LRRC3B: variants seen among roughly 807,000 people sequenced by gnomAD.
The protein encoded by LRRC3B is leucine rich repeat containing 3B, also known as leucine-rich repeat-containing protein 3B.
Under a neutral mutation model 12.8 loss-of-function variants are expected in LRRC3B, and 2 were observed. The observed-to-expected ratio is 0.16, with a 90% confidence interval of 0.06 to 0.49. The LOEUF (loss-of-function observed/expected upper bound fraction) is 0.49. Ranked by LOEUF, LRRC3B falls within the 20% of genes least tolerant of loss-of-function variation. The pLI is 0.96. For synonymous variants in LRRC3B, 132 were observed against 122.0 expected (o/e 1.08, Z -0.54); for missense variants, 189 against 319.4 (o/e 0.59, Z 3.11).
At chr3:26,668,097 A>T (rs1559360559) in intron 1 of LRRC3B, among the ~76,000 whole-genome samples, 1 of 152,098 alleles carries the variant, frequency 6.6e-6, no homozygotes, top group African/African-American at 2.4e-5. Flanking sequence ...ATATTATTAT[A>T]AAAAAAGTAT....
At chr3:26,646,089 G>T (rs376356057) in intron 1 of LRRC3B, among the ~76,000 whole-genome samples, 1 of 152,046 alleles carries the variant, frequency 6.6e-6, no homozygotes, top group South Asian at 2.1e-4. Flanking sequence ...TACACTTATC[G>T]TTCATAATGT....
chr3:26,664,932 T>C (rs1051116229), intron 1 of LRRC3B, among the ~76,000 whole-genome samples: 2 of 151,262 alleles, frequency 1.3e-5, no homozygotes, highest in African/African-American at 4.9e-5. Context: ...TCTTCTATAG[T>C]TTCTGATCTA....
At chr3:26,634,359 C>A (rs1698820888) in intron 1 of LRRC3B, among the ~76,000 whole-genome samples, 1 of 152,214 alleles carries the variant, frequency 6.6e-6, no homozygotes, top group African/African-American at 2.4e-5. Flanking sequence ...TGGTTTAAGT[C>A]ACCCAAAGAT....
chr3:26,690,130 G>A (rs1165742921), intron 1 of LRRC3B, among the ~76,000 whole-genome samples: 1 of 152,176 alleles, frequency 6.6e-6, no homozygotes, highest in East Asian at 1.9e-4. Context: ...AGCTGAATAT[G>A]GGTAAAAATT....
At chr3:26,698,499 T>TA in intron 1 of LRRC3B, among the ~76,000 whole-genome samples, 1 of 152,226 alleles carries the variant, frequency 6.6e-6, no homozygotes, top group South Asian at 2.1e-4. Flanking sequence ...AGCCTTACTC[T>TA]ATCTAGGATT....
At chr3:26,678,817 T>C (rs1699914766) in intron 1 of LRRC3B, among the ~76,000 whole-genome samples, 1 of 152,164 alleles carries the variant, frequency 6.6e-6, no homozygotes, top group South Asian at 2.1e-4. Context: ...ATAAAGACTT[T>C]CTGGGAAGAA....
chr3:26,669,048 G>T (rs1699666047), intron 1 of LRRC3B, among the ~76,000 whole-genome samples: 1 of 152,104 alleles, frequency 6.6e-6, no homozygotes, highest in African/African-American at 2.4e-5. Flanking sequence ...CAACCACTAG[G>T]TAAACATGCA....
intron 1 of LRRC3B, 111 bp from the exon 2 acceptor site, chr3:26,709,402 C>T (rs935122452): frequency 6.5e-6 from 3 of 459,534 alleles, no homozygotes; most frequent in African/African-American, 5.8e-5. Flanking sequence ...AAATTACCTG[C>T]ATAACTAACC....
intron 1 of LRRC3B, among the ~76,000 whole-genome samples, chr3:26,668,819 A>G (rs952777927): frequency 2.0e-5 from 3 of 152,204 alleles, no homozygotes; most frequent in Non-Finnish European, 4.4e-5. Context: ...TTTTCAATGC[A>G]TATAGACTGC....
chr3:26,626,495 G>T (rs989982720), intron 1 of LRRC3B, among the ~76,000 whole-genome samples: 5 of 152,090 alleles, frequency 3.3e-5, no homozygotes, highest in African/African-American at 4.8e-5. Context: ...AAGGCCATTT[G>T]GTGCATTTGT....
At chr3:26,674,768 G>C (rs1011417234) in intron 1 of LRRC3B, among the ~76,000 whole-genome samples, 1 of 152,086 alleles carries the variant, frequency 6.6e-6, no homozygotes, top group Admixed American at 6.6e-5. Context: ...ACTCATCCTT[G>C]CTCTCTCCTA....
chr3:26,690,141 G>T (rs957145736), intron 1 of LRRC3B, among the ~76,000 whole-genome samples: 2 of 152,298 alleles, frequency 1.3e-5, no homozygotes, highest in South Asian at 2.1e-4. Context: ...GGTAAAAATT[G>T]GTTTGATGTG....
intron 1 of LRRC3B, among the ~76,000 whole-genome samples, chr3:26,681,991 G>A (rs1363006336): frequency 6.6e-6 from 1 of 151,716 alleles, no homozygotes; most frequent in African/African-American, 2.4e-5. Context: ...TTATAAATTA[G>A]ACACAATAAG....
At chr3:26,642,570 G>A (rs1699053237) in intron 1 of LRRC3B, among the ~76,000 whole-genome samples, 1 of 152,164 alleles carries the variant, frequency 6.6e-6, no homozygotes, top group Non-Finnish European at 1.5e-5. Flanking sequence ...ATGTCAGCAA[G>A]CTGCTGGTAC....
At chr3:26,672,048 C>T (rs146654728) in intron 1 of LRRC3B, among the ~76,000 whole-genome samples, 75 of 152,316 alleles carry the variant, frequency 4.9e-4, no homozygotes, top group African/African-American at 1.5e-3. Flanking sequence ...GTGTTCTCTG[C>T]ACCTCAACAC....
chr3:26,631,177 A>C (rs1002566683), intron 1 of LRRC3B, among the ~76,000 whole-genome samples: 3 of 152,188 alleles, frequency 2.0e-5, no homozygotes, highest in African/African-American at 7.2e-5. Flanking sequence ...TCCTTGGAGA[A>C]GCAATAGCCT....
Position 26,646,619 on chromosome 3 carries a change from A to C in LRRC3B, c.-161+23382A>C, listed in dbSNP as rs141579996. ...GAGGTAAAAAAAAAAAAAAAAAAAA[A>C]AAAAAAAAAAAAAAAAACGGATTTT... On this transcript the variant is annotated intron_variant, in intron 1 of 1. Coordinates refer to ENST00000396641, the Ensembl canonical transcript of LRRC3B. 2.2e-3 allele frequency among the ~76,000 whole-genome samples: 149 copies of C among 67,988 alleles called. 1 individual carries two copies. Among genetic ancestry groups the C allele is most frequent in the African/African-American group, 3.4e-3 (66 of 19,596 alleles). 44.6% of individuals were successfully genotyped at this position (67,988 alleles called of 152,430 possible).
chr3:26,691,087 GTATA>G (rs1313243277), intron 1 of LRRC3B, among the ~76,000 whole-genome samples: 36 of 113,718 alleles, frequency 3.2e-4, no homozygotes, highest in African/African-American at 1.1e-3. Context: ...ATGTGTGTGT[GTATA>G]TGTGTGTGTG....
intron 1 of LRRC3B, among the ~76,000 whole-genome samples, chr3:26,664,142 C>G (rs891516522): frequency 6.6e-6 from 1 of 152,052 alleles, no homozygotes; most frequent in African/African-American, 2.4e-5. Context: ...ACATGAACAC[C>G]AAACTATGCA....
Sources: gnomAD v4.1 joint callset for allele counts (sites outside exome capture counted in the v4.1 genomes callset) on GRCh38, gnomAD v4.1.1 for gene constraint, MANE v1.5 for transcripts, NCBI Gene and HGNC (gene_info 2026-07-23, HGNC 2026-07-21) for gene names.